The following KBTBD12 variants were observed in gnomAD, a reference collection of about 807,000 sequenced individuals.
KBTBD12 encodes the protein kelch repeat and BTB domain containing 12.
In KBTBD12, 53 loss-of-function variants were observed where a neutral mutation model predicts 58.7. The observed-to-expected ratio is 0.90, with a 90% confidence interval of 0.72 to 1.14. The LOEUF (loss-of-function observed/expected upper bound fraction) is 1.14, where lower values mean the gene tolerates loss of function less well. Ranked by LOEUF, KBTBD12 falls within the 50% of genes most tolerant of loss-of-function variation. The pLI is 0.00. For synonymous variants in KBTBD12, 236 were observed against 259.8 expected (o/e 0.91, Z 0.88); for missense variants, 704 against 751.3 (o/e 0.94, Z 0.74).
At chr3:127,970,317 T>C (rs12630511) in intron 5 of KBTBD12, among the ~76,000 whole-genome samples, 23,076 of 152,124 alleles carry the variant, frequency 0.15, 1,970 homozygotes, top group South Asian at 0.32. Context: ...AAAACCACCA[T>C]ACGTTGCTGG....
intron 5 of KBTBD12, among the ~76,000 whole-genome samples, chr3:127,983,813 C>T (rs1005694451): frequency 1.3e-5 from 2 of 152,144 alleles, no homozygotes; most frequent in African/African-American, 4.8e-5. Flanking sequence ...TCCCAGTGAC[C>T]TCTTTGCAAA....
chr3:127,943,656 T>A (rs1940008462), intron 4 of KBTBD12, among the ~76,000 whole-genome samples: 1 of 152,074 alleles, frequency 6.6e-6, no homozygotes, highest in South Asian at 2.1e-4. Flanking sequence ...TCTTTTCATT[T>A]TTTTTTTCTT....
chr3:127,984,139 C>T lies in KBTBD12; in HGVS notation c.1733C>T (p.Pro578Leu), dbSNP rs780417146. The change falls in exon 6 of 6, where the codon CCA becomes CTA. Residue 578 changes from proline (P) to leucine (L), a missense_variant. Pro to Leu is a moderately conservative substitution (Grantham distance 98). Transcript: ENST00000405109. ...VISKEILELD[P>L]WENQWNVVAI... Reference sequence around the variant, plus strand: ...TCCAAAGAAATATTGGAACTGGACCCATGGGAAAACCAGTGGAATGTTGTA... The same window carrying T: ...TCCAAAGAAATATTGGAACTGGACCTATGGGAAAACCAGTGGAATGTTGTA... 1.9e-6 allele frequency: 3 copies of T among 1,613,936 alleles called. No homozygotes were observed. Among genetic ancestry groups the T allele is most frequent in the Non-Finnish European group, 2.5e-6 (3 of 1,179,830 alleles).
chr3:127,951,380 G>A (rs1250653203), intron 4 of KBTBD12, among the ~76,000 whole-genome samples: 3 of 152,146 alleles, frequency 2.0e-5, no homozygotes, highest in African/African-American at 7.2e-5. Context: ...AGAGTGGATT[G>A]CTGTTCCTCA....
chr3:127,946,053 T>A (rs1940074864), intron 4 of KBTBD12, among the ~76,000 whole-genome samples: 1 of 152,216 alleles, frequency 6.6e-6, no homozygotes, highest in African/African-American at 2.4e-5. Flanking sequence ...CTACCTTAAG[T>A]TAATACTTTT....
intron 2 of KBTBD12, 33 bp downstream of exon 2, chr3:127,924,164 T>C: frequency 7.2e-7 from 1 of 1,384,318 alleles, no homozygotes. Flanking sequence ...GCTTAATTAT[T>C]TTGTTTTGAT....
Position 127,923,858 on chromosome 3 carries a change from A to G in KBTBD12, c.797A>G (p.Asn266Ser). 6.2e-7 allele frequency: 1 copy of G among 1,613,930 alleles called. No homozygotes were observed. Among genetic ancestry groups the G allele is most frequent in the Non-Finnish European group, 8.5e-7 (1 of 1,179,842 alleles). The stretch of plus-strand genomic sequence containing the variant: ...AAGACACCCCAACAGCACTCTCTAA[A>G]TCTGCGCTATGGTATGGAGACTACC... ...AIKTPQQHSL[N>S]LRYGMETTSL... Residue 266 changes from asparagine (N) to serine (S), a missense_variant, in exon 2 of 6, where the codon AAT becomes AGT. Transcript: ENST00000405109.
intron 5 of KBTBD12, among the ~76,000 whole-genome samples, chr3:127,967,608 T>G (rs1209878477): frequency 6.6e-6 from 1 of 152,152 alleles, no homozygotes; most frequent in Non-Finnish European, 1.5e-5. Flanking sequence ...CCATGGTCAG[T>G]GCCAGCAGAA....
At chr3:127,927,547 G>T (rs1440885374) in intron 2 of KBTBD12, among the ~76,000 whole-genome samples, 3 of 151,204 alleles carry the variant, frequency 2.0e-5, no homozygotes, top group African/African-American at 7.3e-5. Flanking sequence ...AACTCTTCAG[G>T]TATATGTGGC....
intron 4 of KBTBD12, among the ~76,000 whole-genome samples, chr3:127,954,259 A>G (rs1368553013): frequency 6.6e-6 from 1 of 152,254 alleles, no homozygotes; most frequent in Non-Finnish European, 1.5e-5. Context: ...TGTAGAAAAT[A>G]TTAATGCCTT....
chr3:127,918,260 A>AT (rs753909919), intron 1 of KBTBD12, among the ~76,000 whole-genome samples: 1 of 152,360 alleles, frequency 6.6e-6, no homozygotes, highest in Non-Finnish European at 1.5e-5. Flanking sequence ...GTGAATGGCA[A>AT]TAGCAGTGCA....
intron 4 of KBTBD12, among the ~76,000 whole-genome samples, chr3:127,939,463 A>G (rs1250621821): frequency 6.6e-6 from 1 of 152,214 alleles, no homozygotes; most frequent in Non-Finnish European, 1.5e-5. Flanking sequence ...TATGAGACAT[A>G]TATTTACAAA....
chr3:127,968,822 G>A (rs976126161), intron 5 of KBTBD12, among the ~76,000 whole-genome samples: 12 of 149,338 alleles, frequency 8.0e-5, no homozygotes, highest in South Asian at 2.2e-4. Flanking sequence ...GTAATATGCC[G>A]TATTAGTAGA....
At chr3:127,938,913 A>G (rs1939883805) in intron 4 of KBTBD12, among the ~76,000 whole-genome samples, 1 of 152,134 alleles carries the variant, frequency 6.6e-6, no homozygotes, top group African/African-American at 2.4e-5. Context: ...TCAAGAAAGA[A>G]CACCAGAATT....
At chr3:127,918,455 G>C (rs931910904) in intron 1 of KBTBD12, among the ~76,000 whole-genome samples, 2 of 152,134 alleles carry the variant, frequency 1.3e-5, no homozygotes, top group African/African-American at 4.8e-5. Context: ...GCTCACGCCT[G>C]TAATCCCAGC....
chr3:127,969,079 T>C (rs1430931994), intron 5 of KBTBD12, among the ~76,000 whole-genome samples: 4 of 152,156 alleles, frequency 2.6e-5, no homozygotes, highest in Non-Finnish European at 4.4e-5. Context: ...ATACTGGAGG[T>C]TCTAATCAGT....
At chr3:127,936,535 G>A (rs771032058) in intron 4 of KBTBD12, among the ~76,000 whole-genome samples, 2 of 152,080 alleles carry the variant, frequency 1.3e-5, no homozygotes, top group East Asian at 1.9e-4. Context: ...TTGTGCTGAC[G>A]GCTGCATAGT....
intron 3 of KBTBD12, among the ~76,000 whole-genome samples, chr3:127,929,654 A>G (rs1939656268): frequency 6.6e-6 from 1 of 152,182 alleles, no homozygotes; most frequent in South Asian, 2.1e-4. Flanking sequence ...TGTAAAAATA[A>G]TTATGAAGAC....
chr3:127,978,723 C>T (rs1158841046), intron 5 of KBTBD12, among the ~76,000 whole-genome samples: 1 of 152,176 alleles, frequency 6.6e-6, no homozygotes, highest in East Asian at 1.9e-4. Flanking sequence ...ACCAGGGAAA[C>T]TTTGGTCCCA....
Sources: allele counts gnomAD v4.1 joint callset (sites outside exome capture counted in the v4.1 genomes callset), GRCh38; gene constraint gnomAD v4.1.1; transcripts MANE v1.5; gene names NCBI Gene and HGNC (gene_info 2026-07-23, HGNC 2026-07-21).